FBXO3: variants seen among roughly 807,000 people sequenced by gnomAD.
FBXO3 encodes F-box protein 3, also known as F-box only protein 3.
In FBXO3, 17 loss-of-function variants were observed where a neutral mutation model predicts 64.8. The observed-to-expected ratio is 0.26, with a 90% CI of 0.18 to 0.39. The LOEUF (loss-of-function observed/expected upper bound fraction) is 0.39, where lower values mean the gene tolerates loss of function less well. Among genes scored for constraint, FBXO3 ranks in the 10% least tolerant of loss-of-function variants. The pLI is 1.00. For synonymous variants in FBXO3, 182 were observed against 201.6 expected (o/e 0.90, Z 0.82); for missense variants, 420 against 589.9 (o/e 0.71, Z 2.98).
intron 10 of FBXO3, 55 bp downstream of exon 10, chr11:33,747,075 C>A (rs760059308): frequency 1.3e-6 from 2 of 1,587,080 alleles, no homozygotes; most frequent in Admixed American, 3.9e-5. Context: ...GGCTTATCTG[C>A]AGTGTTAACC....
chr11:33,746,523 C>T lies in FBXO3; in HGVS notation c.1239+607G>A, dbSNP rs529078708. On this transcript the variant is annotated intron_variant, in intron 10 of 10. Transcript: ENST00000265651. The stretch of plus-strand genomic sequence containing the variant: ...AGGGCATTTTCCAAAGATTCAACAC[C>T]TACAACTCAATTGCATTCTGGGTAT... 3 of 578,874 alleles carry T rather than the reference C, an allele frequency of 5.2e-6. No homozygotes were observed. The East Asian group carries it at 8.4e-5, about 16-fold the overall frequency. The allele number at this position is 578,874 out of a possible 1,614,324, so 35.9% of individuals were successfully genotyped here.
intron 7 of FBXO3, among the ~76,000 whole-genome samples, chr11:33,751,233 G>T (rs185453531): frequency 8.5e-5 from 13 of 152,086 alleles, no homozygotes; most frequent in Admixed American, 2.6e-4. Flanking sequence ...TAACTTTTTG[G>T]TGTTTTTCAA....
chr11:33,767,020 A>G (rs1366615941), intron 3 of FBXO3, among the ~76,000 whole-genome samples: 1 of 130,106 alleles, frequency 7.7e-6, no homozygotes, highest in Admixed American at 7.8e-5. Context: ...AAAGGAAAAG[A>G]AAAACAAGCA....
At chr11:33,747,420 A>G in intron 9 of FBXO3, 100 bp from the exon 10 acceptor site, 1 of 931,012 alleles carries the variant, frequency 1.1e-6, no homozygotes, top group South Asian at 1.6e-5. Flanking sequence ...ACTATATAAT[A>G]GTAAATGCAC....
chr11:33,762,441 G>T (rs1007428526), intron 3 of FBXO3, among the ~76,000 whole-genome samples: 1 of 152,038 alleles, frequency 6.6e-6, no homozygotes. Context: ...CTCACATAAA[G>T]TATATCCTGT....
intron 8 of FBXO3, 48 bp downstream of exon 8, chr11:33,750,491 G>C: frequency 6.2e-7 from 1 of 1,605,662 alleles, no homozygotes; most frequent in Non-Finnish European, 8.5e-7. Flanking sequence ...ATGTCCATTG[G>C]ATATATCCCA....
chr11:33,742,235 T>G (rs548725725), intron 10 of FBXO3, 151 bp from the exon 11 acceptor site: 2 of 572,004 alleles, frequency 3.5e-6, no homozygotes, highest in Non-Finnish European at 5.6e-6. Context: ...ACAACACACA[T>G]GCTGATGCAA....
chr11:33,770,934 T>G, intron 1 of FBXO3, 104 bp from the exon 2 acceptor site: 1 of 894,762 alleles, frequency 1.1e-6, no homozygotes, highest in Admixed American at 2.3e-5. Flanking sequence ...TTTGTTTCTC[T>G]TACTTTTCAC....
At chr11:33,751,642 A>T (rs1354769172) in intron 6 of FBXO3, 35 bp from the exon 7 acceptor site, 5 of 1,319,108 alleles carry the variant, frequency 3.8e-6, no homozygotes. Flanking sequence ...AAAGAAAAGA[A>T]CAAATAGTTT....
At chr11:33,744,826 T>G (rs924419403) in intron 10 of FBXO3, 22 of 152,222 alleles carry the variant, frequency 1.4e-4, no homozygotes, top group Non-Finnish European at 3.2e-4. Context: ...TTTTACTTAT[T>G]TCTCAGTTTT....
intron 1 of FBXO3, 171 bp from the exon 2 acceptor site, chr11:33,771,001 G>T: frequency 2.0e-6 from 1 of 501,288 alleles, no homozygotes; most frequent in Non-Finnish European, 3.5e-6. Flanking sequence ...ATGTTAAGTA[G>T]TATAATTGCC....
rs545284519 is a variant in FBXO3 at position 33,741,009 on chromosome 11, C to G, written c.*899G>C. 18 of 152,636 alleles carry G rather than the reference C, an allele frequency of 1.2e-4. No individual in the cohort carries two copies. Among genetic ancestry groups the G allele is most frequent in the Admixed American group, 1.1e-3 (17 of 15,284 alleles). The allele number at this position is 152,636 out of a possible 1,614,324, so 9.5% of individuals were successfully genotyped here. On this transcript the variant is annotated 3_prime_UTR_variant, in exon 11 of 11. Transcript: ENST00000265651. ...CTTGAAGGATTTCATTCTTAACTCT[C>G]AATTATATAATTACAAAAAAAATCC... is the stretch of plus-strand genomic sequence containing the variant.
chr11:33,772,350 C>A (rs1465416303), intron 1 of FBXO3: 1 of 152,210 alleles, frequency 6.6e-6, no homozygotes, highest in Non-Finnish European at 1.5e-5. Context: ...ACAGAGGGAT[C>A]ATGTCACTTC....
chr11:33,747,427 G>A, intron 9 of FBXO3, 107 bp from the exon 10 acceptor site: 1 of 862,850 alleles, frequency 1.2e-6, no homozygotes, highest in Non-Finnish European at 1.8e-6. Context: ...AATAGTAAAT[G>A]CACAGTTAGA....
In FBXO3 at chr11:33,755,976, C is replaced by G. The variant is rs1239878747; in HGVS notation, c.474-1G>C. Reference sequence around the variant, plus strand: ...AGACAGTGCCATGCTTCCCAATAACCTGAGGAGCATACAGACTCAAACATG... The same window carrying G: ...AGACAGTGCCATGCTTCCCAATAACGTGAGGAGCATACAGACTCAAACATG... On this transcript the variant is annotated splice_acceptor_variant, in intron 4 of 10. Coordinates refer to ENST00000265651, the MANE Select transcript of FBXO3 (RefSeq NM_012175.4). LOFTEE classifies it high-confidence loss of function. The G allele has an allele frequency of 6.2e-7, 1 of 1,613,076 alleles. No individual in the cohort carries two copies. Among genetic ancestry groups the G allele is most frequent in the African/African-American group, 1.3e-5 (1 of 74,910 alleles).
At chr11:33,754,085 G>T (rs76961063) in intron 6 of FBXO3, 2,294 of 165,414 alleles carry the variant, frequency 0.014, 65 homozygotes, top group African/African-American at 0.046. Flanking sequence ...CACCAAAAGA[G>T]AAAAAGTTTA....
rs750777956 is a variant in FBXO3, at chr11:33,742,024, C to T, written c.1300G>A (p.Asp434Asn). The T allele has an allele frequency of 6.2e-6, 10 of 1,605,698 alleles. No homozygotes were observed. In the Admixed American group the frequency reaches 1.7e-4, roughly 27 times the overall value. Reference sequence around the variant, plus strand: ...ATATCTGCTGAATCATCATCCTCGTCTTCCTCCTCTTCCTCCTCCTCCTCT... The same window carrying T: ...ATATCTGCTGAATCATCATCCTCGTTTTCCTCCTCTTCCTCCTCCTCCTCT... Reference protein sequence around the residue: ...EEEEEEEEEEDEDDDSADMDE... With the variant: ...EEEEEEEEEENEDDDSADMDE... Residue 434 changes from aspartate (D) to asparagine (N), a missense_variant, in exon 11 of 11, where the codon GAC becomes AAC. Physicochemically the swap from Asp to Asn is conservative, Grantham distance 23 (BLOSUM62 1). Coordinates refer to ENST00000265651, the MANE Select transcript of FBXO3 (RefSeq NM_012175.4).
At position 33,754,485 on chromosome 11, in the gene FBXO3, T is replaced by C; in HGVS notation, c.694A>G (p.Asn232Asp). ...ATAAACATGTCAATAGCAGCTGGAT[T>C]TCGAGCCATTTGGTCCTAGGTGAGA... ...FYQCPDQMAR[N>D]PAAIDMFIIG... is the part of the protein sequence containing the mutation. The change falls in exon 6 of 11, where the codon AAT (asparagine) becomes GAT (aspartate). Residue 232 changes from asparagine to aspartate, a missense_variant. Around this residue, in one of 3 missense-constraint regions of FBXO3, gnomAD observed 337 missense variants for 518.4 expected, o/e 0.65. Transcript: ENST00000265651. The C allele has an allele frequency of 6.3e-7, 1 of 1,583,514 alleles. No individual in the cohort carries two copies. The highest frequency in any genetic ancestry group is 8.6e-7 in the Non-Finnish European group (1 of 1,166,304).
At chr11:33,767,715 A>C (rs1233602411) in intron 3 of FBXO3, 1 of 152,242 alleles carries the variant, frequency 6.6e-6, no homozygotes, top group East Asian at 1.9e-4. Context: ...ATACTTAGCC[A>C]GTGCCTAGCT....
Sources: gnomAD v4.1 joint callset for allele counts (sites outside exome capture counted in the v4.1 genomes callset) on GRCh38, gnomAD v4.1.1 for gene constraint, gnomAD v4.1.1 regional missense constraint, MANE v1.5 for transcripts, NCBI Gene and HGNC (gene_info 2026-07-23, HGNC 2026-07-21) for gene names.